The following ACTR3 variants were observed in gnomAD, a reference collection of about 807,000 sequenced individuals.
ACTR3 encodes actin-related protein 3.
A neutral mutation model predicts 56.8 loss-of-function variants in ACTR3; 12 were observed. That is an observed-to-expected ratio of 0.21 (90% CI 0.14 to 0.34). ACTR3 has a LOEUF of 0.34. Among genes scored for constraint, ACTR3 ranks in the 10% least tolerant of loss-of-function variants. ACTR3 has a pLI of 1.00. For missense variants in ACTR3, 282 were observed against 512.5 expected (o/e 0.55, Z 4.34); for synonymous variants, 162 against 167.4 (o/e 0.97, Z 0.25).
chr2:113,897,699 G>A (rs2104580592), intron 1 of ACTR3, among the ~76,000 whole-genome samples: 1 of 151,818 alleles, frequency 6.6e-6, no homozygotes, highest in Middle Eastern at 3.4e-3. Context: ...GCTAATTTTT[G>A]TGTTTTTAGT....
At chr2:113,939,854 AAATAC>A in intron 6 of ACTR3, 100 bp from the exon 7 acceptor site, 1 of 1,054,666 alleles carries the variant, frequency 9.5e-7, no homozygotes, top group Non-Finnish European at 1.4e-6. Flanking sequence ...TTGAGACTAT[AAATAC>A]ACTAACTTAA....
At chr2:113,903,568 G>A (rs1249463131) in intron 1 of ACTR3, among the ~76,000 whole-genome samples, 1 of 144,168 alleles carries the variant, frequency 6.9e-6, no homozygotes, top group Non-Finnish European at 1.5e-5. Context: ...ACGGAGTCTC[G>A]CTCCGTTGCT....
chr2:113,934,075 C>T (rs913854379), intron 5 of ACTR3: 3 of 515,302 alleles, frequency 5.8e-6, no homozygotes, highest in Non-Finnish European at 1.0e-5. Context: ...ATGTAAACCT[C>T]TAAGTTTGTC....
At chr2:113,947,043 G>C (rs1680035551) in intron 8 of ACTR3, among the ~76,000 whole-genome samples, 1 of 152,208 alleles carries the variant, frequency 6.6e-6, no homozygotes, top group South Asian at 2.1e-4. Flanking sequence ...AGAGACGGGA[G>C]AGATAACCAC....
intron 8 of ACTR3, among the ~76,000 whole-genome samples, chr2:113,948,181 A>C (rs1680055900): frequency 1.3e-5 from 2 of 151,994 alleles, no homozygotes; most frequent in Non-Finnish European, 2.9e-5. Flanking sequence ...TTTCTTTTGG[A>C]AACAGGGTCT....
At chr2:113,902,716 C>G (rs2104584461) in intron 1 of ACTR3, among the ~76,000 whole-genome samples, 1 of 152,228 alleles carries the variant, frequency 6.6e-6, no homozygotes, top group Admixed American at 6.5e-5. Context: ...TCTCCTGCCT[C>G]AGCCTCCTGA....
At chr2:113,934,498 G>T in intron 6 of ACTR3, 112 bp downstream of exon 6, 1 of 662,156 alleles carries the variant, frequency 1.5e-6, no homozygotes, top group Non-Finnish European at 2.4e-6. Flanking sequence ...ACTATAATTT[G>T]GCCATTTGTC....
At chr2:113,931,430 T>A in intron 5 of ACTR3, 34 bp downstream of exon 5, 1 of 1,438,048 alleles carries the variant, frequency 7.0e-7, no homozygotes, top group South Asian at 1.4e-5. Context: ...GTTTGATTCT[T>A]ACATTTTAAC....
intron 8 of ACTR3, among the ~76,000 whole-genome samples, chr2:113,944,584 TAAAAAA>T (rs34378884): frequency 1.7e-5 from 1 of 57,992 alleles, no homozygotes; most frequent in African/African-American, 7.1e-5. Context: ...CCGTCTCTAC[TAAAAAA>T]AAAAAAAAAA....
At position 113,962,102 on chromosome 2, in the gene ACTR3, G is replaced by C. The variant is rs769663320; in HGVS notation, c.*4647G>C. 9 of 151,840 alleles carry C rather than the reference G, an allele frequency of 5.9e-5. No individual in the cohort carries two copies. Among genetic ancestry groups the C allele is most frequent in the Non-Finnish European group, 1.3e-4 (9 of 67,868 alleles). 9.4% of individuals were successfully genotyped at this position (151,840 alleles called of 1,614,324 possible). A position where few individuals can be genotyped will look rare whatever the true frequency, so the allele number is the denominator to read the frequency against. Reference sequence around the variant, plus strand: ...TGAATTACATGAGTATACAACTTTTGTTCCTTCAAAATACCCATATTTGTC... The same window carrying C: ...TGAATTACATGAGTATACAACTTTTCTTCCTTCAAAATACCCATATTTGTC... On this transcript the variant is annotated 3_prime_UTR_variant, in exon 12 of 12. Transcript: ENST00000263238.
At chr2:113,897,360 T>A (rs1410049205) in intron 1 of ACTR3, among the ~76,000 whole-genome samples, 2 of 151,726 alleles carry the variant, frequency 1.3e-5, no homozygotes, top group African/African-American at 2.4e-5. Context: ...AGAAAAAAAA[T>A]TCTAGTTTTT....
At chr2:113,911,840 G>A (rs894270492) in intron 1 of ACTR3, among the ~76,000 whole-genome samples, 2 of 151,758 alleles carry the variant, frequency 1.3e-5, no homozygotes, top group Admixed American at 6.6e-5. Context: ...AAGTTCAAGC[G>A]ATTCTCTTGC....
chr2:113,929,544 C>CT (rs1679680972), intron 4 of ACTR3, among the ~76,000 whole-genome samples: 1 of 152,140 alleles, frequency 6.6e-6, no homozygotes, highest in African/African-American at 2.4e-5. Flanking sequence ...GGAATTGCAG[C>CT]GTCATAGGGT....
At chr2:113,924,279 G>A (rs1035164795) in intron 3 of ACTR3, among the ~76,000 whole-genome samples, 7 of 150,594 alleles carry the variant, frequency 4.6e-5, no homozygotes, top group Admixed American at 6.6e-5. Flanking sequence ...GTCTCACTAC[G>A]TTGCCTAGGC....
intron 1 of ACTR3, among the ~76,000 whole-genome samples, chr2:113,908,710 A>C (rs2104589504): frequency 6.6e-6 from 1 of 152,048 alleles, no homozygotes; most frequent in Admixed American, 6.5e-5. Flanking sequence ...TTCAAATCTT[A>C]ATTTTTAAAG....
At chr2:113,891,718 A>T (rs1175284552) in intron 1 of ACTR3, among the ~76,000 whole-genome samples, 1 of 151,948 alleles carries the variant, frequency 6.6e-6, no homozygotes, top group Non-Finnish European at 1.5e-5. Flanking sequence ...CTTCATTCTC[A>T]TAACTAGCTA....
At chr2:113,913,912 C>T (rs1292105232) in intron 2 of ACTR3, among the ~76,000 whole-genome samples, 6 of 152,170 alleles carry the variant, frequency 3.9e-5, no homozygotes, top group Admixed American at 3.9e-4. Flanking sequence ...GACTTGCAAA[C>T]AGTTCACGTT....
In ACTR3 at chr2:113,949,206, C is replaced by T. The variant is rs553935195; in HGVS notation, c.859-2273C>T. On this transcript the variant is annotated intron_variant, in intron 8 of 11. Coordinates refer to ENST00000263238, the MANE Select transcript of ACTR3 (RefSeq NM_005721.5). ...CAGCCTGGCCAACATGGTGAAACCC[C>T]GTCTCTACTAAAAACACAAAAATTA... 7.1e-4 allele frequency among the ~76,000 whole-genome samples: 106 copies of T among 150,302 alleles called. No individual in the cohort carries two copies. The South Asian group carries it at 8.0e-3, about 11-fold the overall frequency.
intron 1 of ACTR3, among the ~76,000 whole-genome samples, chr2:113,907,917 T>C (rs1050152473): frequency 7.5e-6 from 1 of 134,114 alleles, no homozygotes; most frequent in African/African-American, 2.9e-5. Context: ...GAGGTTGTGG[T>C]GAGCCGAGAT....
Sources: gnomAD v4.1 joint callset for allele counts (sites outside exome capture counted in the v4.1 genomes callset) on GRCh38, gnomAD v4.1.1 for gene constraint, MANE v1.5 for transcripts, NCBI Gene and HGNC (gene_info 2026-07-23, HGNC 2026-07-21) for gene names.